SERPINF2: variants seen among roughly 807,000 people sequenced by gnomAD.
The protein encoded by SERPINF2 is serpin family F member 2.
In SERPINF2, 15 loss-of-function variants were observed where a neutral mutation model predicts 45.0. The observed-to-expected ratio is 0.33, with a 90% confidence interval of 0.22 to 0.51. The LOEUF is 0.51. Ranked by LOEUF, SERPINF2 falls within the 20% of genes least tolerant of loss-of-function variation. The probability of loss-of-function intolerance (pLI) is 0.97; values close to 1 mark genes in which losing one functional copy is unlikely to be tolerated. For missense variants in SERPINF2, 518 were observed against 637.4 expected, an observed-to-expected ratio of 0.81 and a Z score of 2.02; for synonymous variants, 283 against 277.9, an observed-to-expected ratio of 1.02 and a Z score of -0.18.
In SERPINF2 at chr17:1,752,564, TCTTCC is replaced by T; in HGVS notation, c.859-13_859-9del. 5.6e-6 allele frequency: 9 copies of T among 1,612,538 alleles called. No individual in the cohort carries two copies. The highest frequency in any genetic ancestry group is 7.6e-6 in the Non-Finnish European group (9 of 1,178,650). On this transcript the variant is annotated splice_polypyrimidine_tract_variant and intron_variant, in intron 8 of 9. Transcript: ENST00000453066. Reference sequence around the variant, plus strand: ...GCTTCGGGGCTTTCTGTCCTCATGCTCTTCCCTTCCCTTTTCTGTAGGTGGCTCAT... The same window carrying T: ...GCTTCGGGGCTTTCTGTCCTCATGCTCTTCCCTTTTCTGTAGGTGGCTCAT...
rs538545736 is a variant in SERPINF2, at chr17:1,754,860, C to T, written c.*326C>T. The T allele has an allele frequency of 3.1e-4, 132 of 422,460 alleles. No homozygotes were observed. Among genetic ancestry groups the T allele is most frequent in the African/African-American group, 1.9e-3 (95 of 49,398 alleles). 26.2% of individuals were successfully genotyped at this position (422,460 alleles called of 1,614,324 possible). ...GCTCCCCACGTCAGCTGGGACACCC[C>T]GACTTTTGTTTACCAGAGAAAAAGG... is the stretch of plus-strand genomic sequence containing the variant. On this transcript the variant is annotated 3_prime_UTR_variant, in exon 10 of 10. Coordinates refer to ENST00000453066, the MANE Select transcript of SERPINF2 (RefSeq NM_000934.4).
intron 8 of SERPINF2, among the ~76,000 whole-genome samples, chr17:1,751,753 C>T (rs534037577): frequency 8.9e-6 from 1 of 112,138 alleles, no homozygotes; most frequent in South Asian, 3.1e-4. Flanking sequence ...GACTCCAACT[C>T]AAAAGAAAAG....
chr17:1,743,357 A>C (rs7212936), intron 1 of SERPINF2, among the ~76,000 whole-genome samples: 70,419 of 152,094 alleles, frequency 0.46, 17,134 homozygotes, highest in East Asian at 0.68. Context: ...CTTGCCACCC[A>C]TGGTGAGACC....
intron 7 of SERPINF2, 106 bp downstream of exon 7, chr17:1,747,618 G>A (rs1263314362): frequency 3.5e-5 from 44 of 1,267,066 alleles, no homozygotes; most frequent in Middle Eastern, 2.3e-4. Context: ...AGGGTGGAGC[G>A]CAGTGGCGCG....
In SERPINF2 at chr17:1,745,819, C is replaced by G. The variant is rs747689438; in HGVS notation, c.277C>G (p.Leu93Val). 12 of 1,613,962 alleles carry G rather than the reference C, an allele frequency of 7.4e-6. No individual in the cohort carries two copies. Among genetic ancestry groups the G allele is most frequent in the Non-Finnish European group, 1.0e-5 (12 of 1,180,042 alleles). ...ARAMMAFTAD[L>V]FSLVAQTSTC... Reference sequence around the variant, plus strand: ...GGCCATGATGGCCTTCACTGCCGACCTGTTCTCCCTGGTGGCTCAAACGTC... The same window carrying G: ...GGCCATGATGGCCTTCACTGCCGACGTGTTCTCCCTGGTGGCTCAAACGTC... Residue 93 changes from leucine (L) to valine (V), a missense_variant, in exon 5 of 10, where the codon CTG (leucine) becomes GTG (valine). By Grantham distance (32) the Leu-to-Val change is conservative. Around this residue, in one of 2 missense-constraint regions of SERPINF2, gnomAD observed 435 missense variants for 577.3 expected, o/e 0.75. Transcript: ENST00000453066. The surrounding 1 kb of genome is among the most constrained non-coding windows in gnomAD (Gnocchi z 6.2).
At chr17:1,747,640 C>T (rs2151191031) in intron 7 of SERPINF2, 128 bp downstream of exon 7, 1 of 1,010,284 alleles carries the variant, frequency 9.9e-7, no homozygotes, top group Admixed American at 2.0e-5. Flanking sequence ...TCTCGGCTCC[C>T]TGCAACCTCC....
chr17:1,744,534 T>G (rs1477597196), intron 1 of SERPINF2: 2 of 984,816 alleles, frequency 2.0e-6, no homozygotes, highest in Non-Finnish European at 2.4e-6. Flanking sequence ...ACGGTCTTAT[T>G]TTGGTCCTCA....
At chr17:1,743,882 A>G (rs540938372) in intron 1 of SERPINF2, among the ~76,000 whole-genome samples, 2 of 151,808 alleles carry the variant, frequency 1.3e-5, no homozygotes, top group East Asian at 4.0e-4. Flanking sequence ...CATTGTACTC[A>G]GGGTTTACAA....
chr17:1,746,883 A>T, intron 5 of SERPINF2, 136 bp from the exon 6 acceptor site: 1 of 1,219,530 alleles, frequency 8.2e-7, no homozygotes. Flanking sequence ...GCCACGCAGA[A>T]CAGATCCGTG....
chr17:1,746,867 G>A (rs1285694070), intron 5 of SERPINF2, 152 bp from the exon 6 acceptor site: 4 of 1,073,914 alleles, frequency 3.7e-6, no homozygotes, highest in Non-Finnish European at 2.6e-6. Context: ...AGCCACAGGG[G>A]TGAGAGCCAC....
At chr17:1,753,522 C>G (rs566452526) in intron 9 of SERPINF2, among the ~76,000 whole-genome samples, 1 of 152,140 alleles carries the variant, frequency 6.6e-6, no homozygotes, top group Admixed American at 6.6e-5. Context: ...CCCGTCTCCA[C>G]TAAAAATACA....
intron 1 of SERPINF2, 28 bp downstream of exon 1, chr17:1,742,936 C>G: frequency 1.0e-6 from 1 of 985,478 alleles, no homozygotes; most frequent in African/African-American, 1.7e-5. Flanking sequence ...GCTCGGCCTG[C>G]TCCTTGGGTA....
At chr17:1,747,816 G>A (rs567943316) in intron 7 of SERPINF2, among the ~76,000 whole-genome samples, 1 of 151,782 alleles carries the variant, frequency 6.6e-6, no homozygotes, top group South Asian at 2.1e-4. Flanking sequence ...CACCCACCTC[G>A]GCCTCCCAAA....
chr17:1,743,257 G>C (rs1182713995), intron 1 of SERPINF2, among the ~76,000 whole-genome samples: 5 of 152,236 alleles, frequency 3.3e-5, no homozygotes, highest in African/African-American at 4.8e-5. Context: ...CTGGAGCAGA[G>C]GCCTGTGATG....
In SERPINF2 at chr17:1,745,863, C is replaced by T; in HGVS notation, c.321C>T (p.Ile107=). ...AAACGTCCACCTGCCCCAACCTCAT[C>T]CTGTCACCCCTGAGTGTGGCCCTGG... ...VAQTSTCPNL[I]LSPLSVALAL... Residue 107 remains isoleucine (I), a synonymous_variant, in exon 5 of 10, where the codon ATC becomes ATT. Coordinates refer to ENST00000453066, the MANE Select transcript of SERPINF2 (RefSeq NM_000934.4). This position sits in a 1 kb window ranked among gnomAD's most constrained non-coding sequence, Gnocchi z 6.2. The T allele has an allele frequency of 2.5e-6, 4 of 1,614,092 alleles. No homozygotes were observed. The highest frequency in any genetic ancestry group is 3.4e-6 in the Non-Finnish European group (4 of 1,180,024).
At chr17:1,752,176 C>T (rs977129933) in intron 8 of SERPINF2, among the ~76,000 whole-genome samples, 2 of 151,830 alleles carry the variant, frequency 1.3e-5, no homozygotes, top group East Asian at 3.9e-4. Context: ...CTCAGCCTCC[C>T]GAGTTGCTGC....
chr17:1,748,069 G>A (rs1247420488), intron 7 of SERPINF2, among the ~76,000 whole-genome samples: 1 of 151,784 alleles, frequency 6.6e-6, no homozygotes, highest in Admixed American at 6.5e-5. Flanking sequence ...GGAGGCCGAG[G>A]CGGGCAGATC....
rs535144942 is a variant in SERPINF2 at position 1,744,662 on chromosome 17, C to A, written c.-4-330C>A. On this transcript the variant is annotated intron_variant, in intron 1 of 9. Coordinates refer to ENST00000453066, the MANE Select transcript of SERPINF2 (RefSeq NM_000934.4). ...GCAAGAGGTAGCCTGGATTCAGACA[C>A]AGATCTGATTCACAGCGCAGGGCCT... 5.2e-5 allele frequency: 51 copies of A among 985,454 alleles called. No homozygotes were observed. In the South Asian group the frequency reaches 1.9e-3, roughly 37 times the overall value. The allele number at this position is 985,454 out of a possible 1,614,324, so 61.0% of individuals were successfully genotyped here.
At chr17:1,743,683 C>G (rs1018643007) in intron 1 of SERPINF2, among the ~76,000 whole-genome samples, 3 of 144,842 alleles carry the variant, frequency 2.1e-5, no homozygotes, top group African/African-American at 7.8e-5. Context: ...CCATTGCACT[C>G]CAGCCTGCAT....
Sources: allele counts gnomAD v4.1 joint callset (sites outside exome capture counted in the v4.1 genomes callset), GRCh38; gene constraint gnomAD v4.1.1; regional missense constraint gnomAD v4.1.1; non-coding constraint Gnocchi (gnomAD v3.1); transcripts MANE v1.5; gene names NCBI Gene and HGNC (gene_info 2026-07-23, HGNC 2026-07-21).